NLRC5: variants seen among roughly 807,000 people sequenced by gnomAD.
The protein encoded by NLRC5 is protein NLRC5.
In NLRC5, 114 loss-of-function variants were observed where a neutral mutation model predicts 206.9. The observed-to-expected ratio is 0.55, with a 90% confidence interval of 0.47 to 0.64. The LOEUF (loss-of-function observed/expected upper bound fraction) is 0.64. Ranked by LOEUF, NLRC5 falls within the 30% of genes least tolerant of loss-of-function variation. The pLI, the probability that NLRC5 is intolerant of heterozygous loss-of-function variation, is 0.00. For missense variants in NLRC5, 2,008 were observed against 2,305.5 expected, an observed-to-expected ratio of 0.87 and a Z score of 2.64; for synonymous variants, 952 against 962.8, an observed-to-expected ratio of 0.99 and a Z score of 0.21.
At chr16:57,027,105 G>T in intron 6 of NLRC5, 87 bp downstream of exon 6, 1 of 1,445,032 alleles carries the variant, frequency 6.9e-7, no homozygotes, top group East Asian at 2.3e-5. Context: ...CTGCCAAGAG[G>T]ACTGGATAAG....
In NLRC5 at chr16:57,082,002, G is replaced by A. The variant is rs572440612; in HGVS notation, c.5489+392G>A. 7.3e-4 allele frequency among the ~76,000 whole-genome samples: 111 copies of A among 152,356 alleles called. 2 individuals carry two copies. Among genetic ancestry groups the A allele is most frequent in the African/African-American group, 2.5e-3 (106 of 41,580 alleles). ...CATACAGTTGTATAGGTTGTGCACT[G>A]CACAAGGGCATTAAACCTAAGGGGC... On this transcript the variant is annotated intron_variant, in intron 48 of 48. Coordinates refer to ENST00000688547, the MANE Select transcript of NLRC5 (RefSeq NM_001384950.1).
intron 4 of NLRC5, among the ~76,000 whole-genome samples, chr16:57,022,723 G>A (rs567420450): frequency 5.9e-5 from 9 of 152,350 alleles, no homozygotes; most frequent in South Asian, 2.1e-4. Context: ...TGTCTTCAGC[G>A]GGGGAGCCTT....
At chr16:57,057,780 T>G (rs1159623692) in intron 27 of NLRC5, among the ~76,000 whole-genome samples, 1 of 151,846 alleles carries the variant, frequency 6.6e-6, no homozygotes, top group Non-Finnish European at 1.5e-5. Flanking sequence ...TGCTGGTCAT[T>G]CTAGTGGTGA....
At chr16:57,046,814 C>T (rs2064038989) in intron 22 of NLRC5, among the ~76,000 whole-genome samples, 173 bp downstream of exon 22, 1 of 152,152 alleles carries the variant, frequency 6.6e-6, no homozygotes, top group Non-Finnish European at 1.5e-5. Flanking sequence ...AGTTGGGGAG[C>T]TCTGGCCCCT....
chr16:57,047,881 A>C, intron 23 of NLRC5: 1 of 523,538 alleles, frequency 1.9e-6, no homozygotes, highest in Non-Finnish European at 3.4e-6. Flanking sequence ...CATCCACTCA[A>C]CTCAGGGCAC....
At chr16:57,055,001 A>G (rs144399830) in intron 25 of NLRC5, 31 bp from the exon 26 acceptor site, 4 of 1,613,874 alleles carry the variant, frequency 2.5e-6, no homozygotes. Context: ...CTGTGGCCAC[A>G]GCTGTCTGAC....
At chr16:57,025,300 T>C in intron 5 of NLRC5, 68 bp from the exon 6 acceptor site, 2 of 1,499,780 alleles carry the variant, frequency 1.3e-6, no homozygotes, top group Non-Finnish European at 1.8e-6. Context: ...AGCCCAATAC[T>C]GGGGCAAGAA....
chr16:57,042,162 A>T (rs1462345782), intron 19 of NLRC5, 97 bp downstream of exon 19: 1 of 754,586 alleles, frequency 1.3e-6, no homozygotes, highest in African/African-American at 1.8e-5. Flanking sequence ...TAAAGATTAA[A>T]TCGGAAAATG....
chr16:57,073,141 G>C (rs2067978504), intron 38 of NLRC5, among the ~76,000 whole-genome samples: 1 of 152,162 alleles, frequency 6.6e-6, no homozygotes, highest in Non-Finnish European at 1.5e-5. Flanking sequence ...ACCTGGGCCG[G>C]GGACAGGACA....
intron 2 of NLRC5, among the ~76,000 whole-genome samples, chr16:57,019,138 T>TA (rs1348147273): frequency 6.6e-6 from 1 of 152,160 alleles, no homozygotes; most frequent in Non-Finnish European, 1.5e-5. Flanking sequence ...CTCACACCTG[T>TA]AATCCCAGCA....
chr16:57,022,436 C>G (rs2060780555), intron 4 of NLRC5, 121 bp downstream of exon 4: 2 of 842,144 alleles, frequency 2.4e-6, no homozygotes, highest in Admixed American at 2.2e-5. Flanking sequence ...ATAGGCCATG[C>G]TCTTCGTCTG....
intron 1 of NLRC5, among the ~76,000 whole-genome samples, chr16:57,015,966 G>A (rs1408095674): frequency 3.6e-5 from 5 of 140,692 alleles, no homozygotes; most frequent in Admixed American, 7.4e-5. Flanking sequence ...AAGAAAAGAA[G>A]CACTTAAAGA....
chr16:57,079,495 C>T (rs1475430428), intron 45 of NLRC5, 51 bp from the exon 46 acceptor site: 2 of 1,522,602 alleles, frequency 1.3e-6, no homozygotes, highest in Admixed American at 1.7e-5. Context: ...CCTGCTAGAT[C>T]CCCTGACTCA....
chr16:57,079,409 G>A (rs570674208), intron 45 of NLRC5, 117 bp downstream of exon 45: 4 of 1,385,858 alleles, frequency 2.9e-6, no homozygotes, highest in African/African-American at 1.4e-5. Flanking sequence ...AGGGATGGTG[G>A]GGGCCTGGCT....
At chr16:57,074,714 G>C in intron 39 of NLRC5, 31 bp downstream of exon 39, 1 of 1,602,564 alleles carries the variant, frequency 6.2e-7, no homozygotes, top group Non-Finnish European at 8.5e-7. Flanking sequence ...ATGGGAATGA[G>C]TGGGAAGAAA....
At chr16:57,023,718 G>A (rs542527366) in intron 4 of NLRC5, 67 bp from the exon 5 acceptor site, 2 of 1,391,366 alleles carry the variant, frequency 1.4e-6, no homozygotes, top group South Asian at 1.2e-5. Context: ...TTCCCCAAAG[G>A]TTCTGGGTAA....
At chr16:57,008,446 A>C (rs1406904360) in intron 1 of NLRC5, among the ~76,000 whole-genome samples, 1 of 152,182 alleles carries the variant, frequency 6.6e-6, no homozygotes, top group African/African-American at 2.4e-5. Context: ...TTTTGATATA[A>C]TTGTGAAATA....
chr16:57,021,082 AC>A, intron 3 of NLRC5, 75 bp downstream of exon 3: 1 of 1,389,942 alleles, frequency 7.2e-7, no homozygotes, highest in Non-Finnish European at 1.0e-6. Flanking sequence ...GAGCCCAGGG[AC>A]CCACCTAAGT....
At chr16:57,075,746 G>A (rs2068317167) in intron 39 of NLRC5, among the ~76,000 whole-genome samples, 2 of 152,038 alleles carry the variant, frequency 1.3e-5, no homozygotes, top group Admixed American at 6.6e-5. Flanking sequence ...GTGACACAAA[G>A]CATTGCTTTG....
Sources: gnomAD v4.1 joint callset for allele counts (sites outside exome capture counted in the v4.1 genomes callset) on GRCh38, gnomAD v4.1.1 for gene constraint, MANE v1.5 for transcripts, NCBI Gene and HGNC (gene_info 2026-07-23, HGNC 2026-07-21) for gene names.